Variants in MED16 observed in about 807,000 individuals in gnomAD.
MED16 encodes mediator of RNA polymerase II transcription subunit 16.
Under a neutral mutation model 84.4 loss-of-function variants are expected in MED16, and 81 were observed. The observed-to-expected ratio is 0.96, with a 90% CI of 0.80 to 1.15. The LOEUF is 1.15. Ranked by LOEUF, MED16 falls within the 50% of genes most tolerant of loss-of-function variation. MED16 has a pLI of 0.00. For missense variants in MED16, 1,585 were observed against 1,245.9 expected (o/e 1.27, Z -4.10); for synonymous variants, 897 against 552.2 (o/e 1.62, Z -8.76).
At chr19:869,410 C>T (rs1457523401) in intron 13 of MED16, among the ~76,000 whole-genome samples, 4 of 107,922 alleles carry the variant, frequency 3.7e-5, no homozygotes, top group Admixed American at 1.1e-4. Flanking sequence ...AAGCTGCCCT[C>T]GGTGGTGGGT....
At chr19:877,347 C>T (rs1476913083) in intron 8 of MED16, among the ~76,000 whole-genome samples, 167 bp from the exon 9 acceptor site, 2 of 152,148 alleles carry the variant, frequency 1.3e-5, no homozygotes, top group African/African-American at 2.4e-5. Flanking sequence ...ACCTTTCTGT[C>T]AGGGTCATGC....
At position 885,952 on chromosome 19, in the gene MED16, C is replaced by A. The variant is rs1399021871; in HGVS notation, c.697G>T (p.Gly233Cys). ...AACTGCACGGGCGACGCGCTGCTGC[C>A]GTCCGCCGTGGCCACCACGATGTTG... The part of the protein sequence containing the change: ...GGNIVVATAD[G>C]SSASPVQFYK... The change falls in exon 5 of 16, where the codon GGC (glycine) becomes TGC (cysteine). Residue 233 changes from glycine (G) to cysteine (C), a missense_variant. By Grantham distance (159) the Gly-to-Cys change is radical (BLOSUM62 -3). Coordinates refer to ENST00000325464, the MANE Select transcript of MED16 (RefSeq NM_005481.3). 3 of 1,612,502 alleles carry A rather than the reference C, an allele frequency of 1.9e-6. No individual in the cohort carries two copies. The highest frequency in any genetic ancestry group is 1.7e-6 in the Non-Finnish European group (2 of 1,179,832).
chr19:873,430 A>G lies in MED16; in HGVS notation c.1905+19T>C. On this transcript the variant is annotated intron_variant, in intron 11 of 15. Coordinates refer to ENST00000325464, the MANE Select transcript of MED16 (RefSeq NM_005481.3). ...GGGCCCAGGTGGGGGGCGGGGCCTT[A>G]GGGGAGAGCATGGCGCACCTGGTTG... The G allele has an allele frequency of 1.2e-6, 2 of 1,602,702 alleles. No homozygotes were observed. Among genetic ancestry groups the G allele is most frequent in the Non-Finnish European group, 1.7e-6 (2 of 1,178,880 alleles).
At position 871,317 on chromosome 19, in the gene MED16, C is replaced by CG. The variant is rs368229538; in HGVS notation, c.2099-65dup. ...TGGGGCACCGCCCGGCCACCCGGGA[C>CG]GTGCTGGGAGCCCCTCCAGTTCAGG... On this transcript the variant is annotated intron_variant, in intron 12 of 15. Transcript: ENST00000325464. The CG allele has an allele frequency of 1.9e-5, 28 of 1,459,236 alleles. 1 individual carries two copies. In the African/African-American group the frequency reaches 3.4e-4, roughly 17 times the overall value. 90.4% of individuals were successfully genotyped at this position (1,459,236 alleles called of 1,614,324 possible). A position where few individuals can be genotyped will look rare whatever the true frequency, so the allele number is the denominator to read the frequency against.
At chr19:875,794 T>C (rs1382267950) in intron 9 of MED16, among the ~76,000 whole-genome samples, 1 of 152,076 alleles carries the variant, frequency 6.6e-6, no homozygotes, top group African/African-American at 2.4e-5. Flanking sequence ...TCCCAGAGGC[T>C]GCTCCAGCCC....
chr19:882,426 C>T (rs1010427630), intron 6 of MED16, among the ~76,000 whole-genome samples: 1 of 152,160 alleles, frequency 6.6e-6, no homozygotes, highest in Admixed American at 6.5e-5. Context: ...ACTCAGGAGG[C>T]TGAGGTAGGA....
At position 873,739 on chromosome 19, in the gene MED16, G is replaced by A. The variant is rs187495551; in HGVS notation, c.1772-157C>T. Among the ~76,000 whole-genome samples, 624 of 152,168 alleles carry A rather than the reference G, an allele frequency of 4.1e-3. 2 individuals carry two copies. The highest frequency in any genetic ancestry group is 5.8e-3 in the Non-Finnish European group (397 of 67,962). ...ACGAGAAGGGGGCGATGGCGTTGCC[G>A]GACGGAGAGGAACTGGGAGCCCACT... On this transcript the variant is annotated intron_variant, in intron 10 of 15. Transcript: ENST00000325464.
rs1275660915 is a variant in MED16 at position 868,958 on chromosome 19, G to C, written c.2316-12C>G. On this transcript the variant is annotated splice_polypyrimidine_tract_variant and intron_variant, in intron 13 of 15. Coordinates refer to ENST00000325464, the MANE Select transcript of MED16 (RefSeq NM_005481.3). ...GCTGGCCTGGGGCCCTGGCGGGAGA[G>C]GGGAGAACGTGAGGGAGGCCTGGGC... 4 of 1,532,846 alleles carry C rather than the reference G, an allele frequency of 2.6e-6. No homozygotes were observed. Among genetic ancestry groups the C allele is most frequent in the East Asian group, 2.4e-5 (1 of 41,562 alleles). 95.0% of individuals were successfully genotyped at this position (1,532,846 alleles called of 1,614,324 possible). A position where few individuals can be genotyped will look rare whatever the true frequency, so the allele number is the denominator to read the frequency against.
intron 10 of MED16, among the ~76,000 whole-genome samples, chr19:874,264 C>A (rs1367975119): frequency 2.0e-5 from 3 of 152,142 alleles, no homozygotes; most frequent in Admixed American, 6.5e-5. Flanking sequence ...CAGGCGCCCG[C>A]CACCACGCCC....
chr19:881,630 G>A lies in MED16; in HGVS notation c.1070C>T (p.Pro357Leu). The change falls in exon 7 of 16, where the codon CCC becomes CTC. Residue 357 changes from proline to leucine, a missense_variant. Physicochemically the swap from Pro to Leu is moderately conservative, Grantham distance 98. Coordinates refer to ENST00000325464, the MANE Select transcript of MED16 (RefSeq NM_005481.3). ...DLDRVSAVAL[P>L]KLPISLTNTD... ...GTTGGTGAGCGAGATGGGCAGCTTG[G>A]GCAGCGCCACGGCCGACACACGGTC... 2 of 1,612,770 alleles carry A rather than the reference G, an allele frequency of 1.2e-6. No individual in the cohort carries two copies. Among genetic ancestry groups the A allele is most frequent in the African/African-American group, 1.3e-5 (1 of 75,058 alleles).
intron 12 of MED16, chr19:871,586 G>A (rs530446614): frequency 4.2e-5 from 67 of 1,595,862 alleles, no homozygotes; most frequent in African/African-American, 1.5e-4. Flanking sequence ...ACCCGACAAG[G>A]AGAGACAGCA....
intron 6 of MED16, among the ~76,000 whole-genome samples, chr19:884,362 GCCC>G (rs2036482322): frequency 6.6e-6 from 1 of 152,132 alleles, no homozygotes; most frequent in Non-Finnish European, 1.5e-5. Flanking sequence ...GGTGCGGGGG[GCCC>G]ATCGGGCGGA....
At chr19:881,529 C>A (rs1212160457) in intron 7 of MED16, 30 bp downstream of exon 7, 2 of 1,593,178 alleles carry the variant, frequency 1.3e-6, no homozygotes, top group Non-Finnish European at 8.6e-7. Flanking sequence ...GAACTGAGGC[C>A]CCGCGTGGCT....
chr19:882,607 G>A (rs1433246922), intron 6 of MED16, among the ~76,000 whole-genome samples: 1 of 152,228 alleles, frequency 6.6e-6, no homozygotes, highest in Admixed American at 6.5e-5. Flanking sequence ...GAGGGCAGCT[G>A]GAGCCGGCCT....
chr19:871,276 T>A, intron 12 of MED16, 23 bp from the exon 13 acceptor site: 1 of 1,522,754 alleles, frequency 6.6e-7, no homozygotes, highest in South Asian at 1.2e-5. Context: ...GTGGCGGAAG[T>A]CTCAGCACCC....
chr19:884,793 G>C lies in MED16; in HGVS notation c.985+110C>G, dbSNP rs1044473759. The C allele has an allele frequency of 6.3e-6, 5 of 794,910 alleles. No individual in the cohort carries two copies. The Admixed American group carries it at 8.6e-5, about 14-fold the overall frequency. The allele number at this position is 794,910 out of a possible 1,614,324, so 49.2% of individuals were successfully genotyped here. A position where few individuals can be genotyped will look rare whatever the true frequency, so the allele number is the denominator to read the frequency against. On this transcript the variant is annotated intron_variant, in intron 6 of 15. Coordinates refer to ENST00000325464, the MANE Select transcript of MED16 (RefSeq NM_005481.3). Reference sequence around the variant, plus strand: ...AGATCGAGGCGAGACGATCGCTTAGGGCCGGGGTTCAGGACCACCCTGGGT... The same window carrying C: ...AGATCGAGGCGAGACGATCGCTTAGCGCCGGGGTTCAGGACCACCCTGGGT...
intron 11 of MED16, among the ~76,000 whole-genome samples, chr19:872,733 T>C (rs1409628172): frequency 6.6e-6 from 1 of 150,724 alleles, no homozygotes; most frequent in African/African-American, 2.4e-5. Context: ...GATGGAGACT[T>C]GATTTCAAGG....
chr19:876,892 ACGGGGCCC>A lies in MED16; in HGVS notation c.1560+74_1560+81del. The A allele has an allele frequency of 2.2e-6, 3 of 1,389,210 alleles. No individual in the cohort carries two copies. The South Asian group carries it at 4.2e-5, about 20-fold the overall frequency. 86.1% of individuals were successfully genotyped at this position (1,389,210 alleles called of 1,614,324 possible). A position where few individuals can be genotyped will look rare whatever the true frequency, so the allele number is the denominator to read the frequency against. ...ACCTGCCACGGGGCCCCCACCTGCC[ACGGGGCCC>A]CACCTGCCACGGGGCCCCCACCTGC... On this transcript the variant is annotated intron_variant, in intron 9 of 15. Transcript: ENST00000325464.
rs888102820 is a variant in MED16 at position 872,241 on chromosome 19, T to C, written c.1906-123A>G. On this transcript the variant is annotated intron_variant, in intron 11 of 15. Coordinates refer to ENST00000325464, the MANE Select transcript of MED16 (RefSeq NM_005481.3). The stretch of plus-strand genomic sequence containing the variant: ...TGGGCAGGGTCTGGGACATTTGTGG[T>C]GGTCAGGACTGGGGTGCTTCTGGCA... 11 of 774,468 alleles carry C rather than the reference T, an allele frequency of 1.4e-5. No individual in the cohort carries two copies. In the African/African-American group the frequency reaches 1.8e-4, roughly 12 times the overall value. The allele number at this position is 774,468 out of a possible 1,614,324, so 48.0% of individuals were successfully genotyped here.
Sources: gnomAD v4.1 joint callset for allele counts (sites outside exome capture counted in the v4.1 genomes callset) on GRCh38, gnomAD v4.1.1 for gene constraint, MANE v1.5 for transcripts, NCBI Gene and HGNC (gene_info 2026-07-23, HGNC 2026-07-21) for gene names.